Variants in ANKRD28 observed in about 807,000 individuals in gnomAD.
The protein encoded by ANKRD28 is ankyrin repeat domain 28.
In ANKRD28, 44 loss-of-function variants were observed where a neutral mutation model predicts 126.5. That is an observed-to-expected ratio of 0.35 (90% CI 0.27 to 0.45). The LOEUF (loss-of-function observed/expected upper bound fraction) is 0.45. Among genes scored for constraint, ANKRD28 ranks in the 20% least tolerant of loss-of-function variants. ANKRD28 has a pLI of 1.00. For synonymous variants in ANKRD28, 442 were observed against 468.5 expected (o/e 0.94, Z 0.73); for missense variants, 1,110 against 1,316.6 (o/e 0.84, Z 2.43).
At position 15,677,481 on chromosome 3, in the gene ANKRD28, T is replaced by C. The variant is rs1377375545; in HGVS notation, c.2789A>G (p.Lys930Arg). The change falls in exon 25 of 28, where the codon AAG becomes AGG. Residue 930 changes from lysine (K) to arginine (R), a missense_variant and splice_region_variant. Transcript: ENST00000683139. ...KNTALHLACS[K>R]GHETSALLIL... ...CATATTCTTAAGATGTATACATACC[T>C]TGCTACAAGCCAAATGGAGGGCAGT... 46 of 1,608,440 alleles carry C rather than the reference T, an allele frequency of 2.9e-5. No homozygotes were observed. Among genetic ancestry groups the C allele is most frequent in the Non-Finnish European group, 3.9e-5 (46 of 1,175,262 alleles).
intron 3 of ANKRD28, among the ~76,000 whole-genome samples, chr3:15,755,016 C>T (rs1344467347): frequency 6.6e-6 from 1 of 152,048 alleles, no homozygotes; most frequent in Non-Finnish European, 1.5e-5. Context: ...AGCTTCCAAG[C>T]TACTCGGGAG....
At chr3:15,837,189 C>G (rs2061345315) in intron 1 of ANKRD28, among the ~76,000 whole-genome samples, 4 of 150,892 alleles carry the variant, frequency 2.7e-5, no homozygotes, top group Admixed American at 2.6e-4. Context: ...AATGAAGGGG[C>G]AACAGGCAAT....
At chr3:15,741,191 T>C (rs1302330423) in intron 4 of ANKRD28, among the ~76,000 whole-genome samples, 1 of 150,004 alleles carries the variant, frequency 6.7e-6, no homozygotes, top group Non-Finnish European at 1.5e-5. Flanking sequence ...AGAGCGAGAC[T>C]CCATCTCAAA....
chr3:15,686,879 A>T (rs1171900672), intron 18 of ANKRD28, among the ~76,000 whole-genome samples: 1 of 152,108 alleles, frequency 6.6e-6, no homozygotes, highest in Non-Finnish European at 1.5e-5. Context: ...GAATAACAGA[A>T]TTTAATCCAG....
upstream of ANKRD28, among the ~76,000 whole-genome samples, chr3:15,798,440 T>C (rs1316925080): frequency 1.3e-5 from 2 of 152,180 alleles, no homozygotes; most frequent in Non-Finnish European, 2.9e-5. Flanking sequence ...ACAAATGAAA[T>C]TTAAGATTGT....
rs947527285 is a variant in ANKRD28, at chr3:15,816,837, T to C, written c.28-21531A>G. 6.6e-6 allele frequency among the ~76,000 whole-genome samples: 1 copy of C among 152,138 alleles called. No homozygotes were observed. Among genetic ancestry groups the C allele is most frequent in the Non-Finnish European group, 1.5e-5 (1 of 68,024 alleles). ...AGTAAATCCAAACTGAGAGTAAATA[T>C]GTGCATAGGTTGTGCATAGATTAAT... On this transcript the variant is annotated intron_variant, in intron 1 of 27. Coordinates refer to the ANKRD28 transcript ENST00000399451. The surrounding 1 kb of genome is among the most constrained non-coding windows in gnomAD (Gnocchi z 5.0).
rs5846879 is a variant in ANKRD28, at chr3:15,845,310, GTATA to G, written c.27+14063_27+14066del. 1.3e-5 allele frequency among the ~76,000 whole-genome samples: 2 copies of G among 150,942 alleles called. No individual in the cohort carries two copies. Among genetic ancestry groups the G allele is most frequent in the Non-Finnish European group, 3.0e-5 (2 of 67,610 alleles). ...CACAATCTTCCAGAACATTTCTAAA[GTATA>G]TATATATATATATTCCATATTACAT... On this transcript the variant is annotated intron_variant, in intron 1 of 27. Transcript: ENST00000399451. This position sits in a 1 kb window ranked among gnomAD's most constrained non-coding sequence, Gnocchi z 4.9.
chr3:15,813,328 G>A (rs772272406), intron 1 of ANKRD28, among the ~76,000 whole-genome samples: 2 of 152,036 alleles, frequency 1.3e-5, no homozygotes, highest in Non-Finnish European at 2.9e-5. Flanking sequence ...ATCACATGCC[G>A]CTGCACTCCA....
In ANKRD28 at chr3:15,684,715, T is replaced by TA. The variant is rs1334231457; in HGVS notation, c.2389+510dup. ...AGCCTGGGCAACATAGTGGGACTCT[T>TA]AAAAAAAAAAAAATAGTAAAAGAAC... On this transcript the variant is annotated intron_variant, in intron 21 of 27. Coordinates refer to ENST00000683139, the MANE Select transcript of ANKRD28 (RefSeq NM_001349278.2). 5.0e-3 allele frequency: 655 copies of TA among 130,238 alleles called. 3 individuals are homozygous for TA. Among genetic ancestry groups the TA allele is most frequent in the African/African-American group, 0.015 (509 of 34,418 alleles). 8.1% of individuals were successfully genotyped at this position (130,238 alleles called of 1,614,324 possible).
rs565088066 is a variant in ANKRD28 at position 15,680,083 on chromosome 3, A to C, written c.2390-520T>G. Among the ~76,000 whole-genome samples the C allele has an allele frequency of 3.3e-5, 5 of 152,340 alleles. No individual in the cohort carries two copies. In the South Asian group the frequency reaches 1.0e-3, roughly 32 times the overall value. Reference sequence around the variant, plus strand: ...GTCCTGGAAACCAATCCTCAACAGCAAACGAGAAATGACTGTGCTATTTTT... The same window carrying C: ...GTCCTGGAAACCAATCCTCAACAGCCAACGAGAAATGACTGTGCTATTTTT... On this transcript the variant is annotated intron_variant, in intron 21 of 27. Coordinates refer to ENST00000683139, the MANE Select transcript of ANKRD28 (RefSeq NM_001349278.2).
chr3:15,747,166 CTTT>C (rs569471227), intron 4 of ANKRD28, among the ~76,000 whole-genome samples: 2 of 139,316 alleles, frequency 1.4e-5, no homozygotes, highest in Admixed American at 1.4e-4. Context: ...TTTATCTTTC[CTTT>C]TTTTTTTTTT....
At chr3:15,761,617 A>G (rs1486885733) in intron 3 of ANKRD28, among the ~76,000 whole-genome samples, 3 of 152,176 alleles carry the variant, frequency 2.0e-5, no homozygotes, top group Non-Finnish European at 4.4e-5. Flanking sequence ...TCTGAAGACT[A>G]TTCTTCTGAT....
At chr3:15,733,460 T>C (rs533939383) in intron 6 of ANKRD28, 1 of 152,364 alleles carries the variant, frequency 6.6e-6, no homozygotes, top group East Asian at 1.9e-4. Flanking sequence ...ATTCTAACTA[T>C]GTTTTTCTTT....
upstream of ANKRD28, among the ~76,000 whole-genome samples, chr3:15,801,515 G>GT (rs1348751425): frequency 6.6e-6 from 1 of 152,174 alleles, no homozygotes; most frequent in Admixed American, 6.6e-5. This position sits in a 1 kb window ranked among gnomAD's most constrained non-coding sequence, Gnocchi z 4.9. Context: ...GTGAAAGATG[G>GT]TAAGGAAGTG....
upstream of ANKRD28, among the ~76,000 whole-genome samples, chr3:15,800,573 T>A (rs1176920815): frequency 6.6e-6 from 1 of 152,110 alleles, no homozygotes; most frequent in Non-Finnish European, 1.5e-5. Context: ...TGTCTGGAGA[T>A]CCCATTCAGT....
chr3:15,845,514 T>C lies in ANKRD28; in HGVS notation c.27+13863A>G, dbSNP rs975924096. Among the ~76,000 whole-genome samples, 4 of 152,198 alleles carry C rather than the reference T, an allele frequency of 2.6e-5. No homozygotes were observed. The highest frequency in any genetic ancestry group is 2.0e-4 in the Admixed American group (3 of 15,280). On this transcript the variant is annotated intron_variant, in intron 1 of 27. Coordinates refer to the ANKRD28 transcript ENST00000399451. This position sits in a 1 kb window ranked among gnomAD's most constrained non-coding sequence, Gnocchi z 4.9. ...ACAGACATGCTAGTTTCTAACTACC[T>C]GCCTATGCCTTGGATTAGGCTACTT...
In ANKRD28 at chr3:15,817,264, G is replaced by T. The variant is rs565829987; in HGVS notation, c.28-21958C>A. ...TTATCTTGTCAGTAGAAGTACCATG[G>T]TTTTTTTTTCCTTGTTATTTTGTTT... is the stretch of plus-strand genomic sequence containing the variant. On this transcript the variant is annotated intron_variant, in intron 1 of 27. Coordinates refer to the ANKRD28 transcript ENST00000399451. This position sits in a 1 kb window ranked among gnomAD's most constrained non-coding sequence, Gnocchi z 4.5. 2.7e-5 allele frequency among the ~76,000 whole-genome samples: 4 copies of T among 150,754 alleles called. No homozygotes were observed. The highest frequency in any genetic ancestry group is 2.1e-4 in the South Asian group (1 of 4,758).
chr3:15,843,169 C>T lies in ANKRD28; in HGVS notation c.27+16208G>A, dbSNP rs1447946528. Among the ~76,000 whole-genome samples, 1 of 152,168 alleles carries T rather than the reference C, an allele frequency of 6.6e-6. No individual in the cohort carries two copies. The highest frequency in any genetic ancestry group is 2.4e-5 in the African/African-American group (1 of 41,434). ...GAAGGCAAAGAGGTAGCAGGCACAT[C>T]ACATGGTGAAAGTAGGAGCAAGACA... On this transcript the variant is annotated intron_variant, in intron 1 of 27. Coordinates refer to the ANKRD28 transcript ENST00000399451. This position sits in a 1 kb window ranked among gnomAD's most constrained non-coding sequence, Gnocchi z 5.2.
In ANKRD28 at chr3:15,766,309, T is replaced by C. The variant is rs2058733854; in HGVS notation, c.205A>G (p.Asn69Asp). 1.2e-6 allele frequency: 2 copies of C among 1,608,280 alleles called. No individual in the cohort carries two copies. Among genetic ancestry groups the C allele is most frequent in the East Asian group, 4.5e-5 (2 of 44,854 alleles). The change falls in exon 3 of 28, where the codon AAT (asparagine) becomes GAT (aspartate). Residue 69 changes from asparagine (N) to aspartate (D), a missense_variant. Transcript: ENST00000683139. The part of the protein sequence containing the change: ...FKKEDVNFQD[N>D]EKRTPLHAAA... ...GCGTGCAATGGGGTTCGCTTTTCAT[T>C]GTCCTGTGATAATAAGGAAAGGTGG...
Sources: gnomAD v4.1 joint callset for allele counts (sites outside exome capture counted in the v4.1 genomes callset) on GRCh38, gnomAD v4.1.1 for gene constraint, Gnocchi (gnomAD v3.1) non-coding constraint, MANE v1.5 for transcripts, NCBI Gene and HGNC (gene_info 2026-07-23, HGNC 2026-07-21) for gene names.